Variants in PDGFA observed in about 807,000 individuals in gnomAD.
The protein encoded by PDGFA is platelet derived growth factor subunit A, also known as platelet-derived growth factor subunit A.
In PDGFA, 9 loss-of-function variants were observed where a neutral mutation model predicts 25.6. The ratio of observed to expected loss-of-function variants is 0.35; its 90% CI spans 0.21 to 0.61. The LOEUF is 0.61. PDGFA is among the 20% of genes least tolerant of loss of function. PDGFA has a pLI of 0.75. For missense variants in PDGFA, 242 were observed against 272.8 expected, an observed-to-expected ratio of 0.89 and a Z score of 0.79; for synonymous variants, 133 against 111.8, an observed-to-expected ratio of 1.19 and a Z score of -1.20.
chr7:510,255 A>ACCC (rs554756855), intron 4 of PDGFA, among the ~76,000 whole-genome samples: 215 of 151,530 alleles, frequency 1.4e-3, no homozygotes, highest in Non-Finnish European at 2.6e-3. Flanking sequence ...CCTTTCCCGC[A>ACCC]CCCCCAGGTG....
intron 3 of PDGFA, among the ~76,000 whole-genome samples, 175 bp downstream of exon 3, chr7:512,176 C>T (rs1175687905): frequency 6.6e-6 from 1 of 152,166 alleles, no homozygotes; most frequent in East Asian, 1.9e-4. Context: ...AGGCCAGAGC[C>T]AGAGGCACCA....
chr7:504,370 C>G (rs1355847337), intron 4 of PDGFA, among the ~76,000 whole-genome samples: 1 of 152,118 alleles, frequency 6.6e-6, no homozygotes, highest in Non-Finnish European at 1.5e-5. Context: ...CTCAGCCACC[C>G]CCAGCCCTGC....
At chr7:499,829 C>T (rs1782251518) in intron 5 of PDGFA, among the ~76,000 whole-genome samples, 1 of 150,854 alleles carries the variant, frequency 6.6e-6, no homozygotes. Flanking sequence ...ATGCCACTAG[C>T]CAGACAGAAG....
chr7:516,040 GCC>G (rs1299066097), intron 2 of PDGFA, among the ~76,000 whole-genome samples: 3 of 33,764 alleles, frequency 8.9e-5, no homozygotes, highest in African/African-American at 3.6e-4. Flanking sequence ...CCAGGAAGCA[GCC>G]CCCCCCCCCC....
intron 5 of PDGFA, among the ~76,000 whole-genome samples, chr7:499,591 G>A (rs933487561): frequency 6.6e-6 from 1 of 152,148 alleles, no homozygotes; most frequent in African/African-American, 2.4e-5. Flanking sequence ...CCTCCATCTG[G>A]GAAGCGACAT....
chr7:508,888 A>T (rs1422995970), intron 4 of PDGFA, among the ~76,000 whole-genome samples: 3 of 152,208 alleles, frequency 2.0e-5, no homozygotes, highest in Non-Finnish European at 4.4e-5. Context: ...TGATGCCCCA[A>T]CAGGCAGGAA....
Position 500,434 on chromosome 7 carries a change from G to C in PDGFA, c.580+682C>G. 1.9e-6 allele frequency: 3 copies of C among 1,614,110 alleles called. No homozygotes were observed. The South Asian group carries it at 3.3e-5, about 18-fold the overall frequency. On this transcript the variant is annotated intron_variant, in intron 5 of 5. Transcript: ENST00000402802. This position sits in a 1 kb window ranked among gnomAD's most constrained non-coding sequence, Gnocchi z 5.0. ...TGTGTCCGGCAGACAGTCCTACCTG[G>C]TTGGCTGCTTTAGGTGGGTTTTAAC...
At position 517,803 on chromosome 7, in the gene PDGFA, G is replaced by A. The variant is rs1224772962; in HGVS notation, c.64-313C>T. On this transcript the variant is annotated intron_variant, in intron 1 of 5. Coordinates refer to ENST00000402802, the Ensembl canonical transcript of PDGFA. This position sits in a 1 kb window ranked among gnomAD's most constrained non-coding sequence, Gnocchi z 7.4. ...TCCACCCGGGGTGTCAGTTACAGAA[G>A]GTCTAGGGGGCAGCGAGGGGGCCGA... Among the ~76,000 whole-genome samples the A allele has an allele frequency of 1.3e-5, 2 of 151,334 alleles. No homozygotes were observed. The highest frequency in any genetic ancestry group is 4.9e-5 in the African/African-American group (2 of 40,958).
chr7:505,026 G>A (rs1285807394), intron 4 of PDGFA, among the ~76,000 whole-genome samples: 1 of 152,238 alleles, frequency 6.6e-6, no homozygotes, highest in Non-Finnish European at 1.5e-5. Flanking sequence ...AAAACAAACA[G>A]CGATGATTGC....
In PDGFA at chr7:500,715, G is replaced by T; in HGVS notation, c.580+401C>A. On this transcript the variant is annotated intron_variant, in intron 5 of 5. Coordinates refer to ENST00000402802, the Ensembl canonical transcript of PDGFA. This position sits in a 1 kb window ranked among gnomAD's most constrained non-coding sequence, Gnocchi z 5.0. Reference sequence around the variant, plus strand: ...TCCTGGGTGGAGTCCGCGTGGCGGGGTGAAGGAGAGACCCCAGCCAGCCAG... The same window carrying T: ...TCCTGGGTGGAGTCCGCGTGGCGGGTTGAAGGAGAGACCCCAGCCAGCCAG... The T allele has an allele frequency of 3.5e-6, 5 of 1,440,206 alleles. No individual in the cohort carries two copies. Among genetic ancestry groups the T allele is most frequent in the Non-Finnish European group, 4.5e-6 (5 of 1,102,242 alleles). 89.2% of individuals were successfully genotyped at this position (1,440,206 alleles called of 1,614,324 possible).
rs567368990 is a variant in PDGFA at position 511,838 on chromosome 7, G to A, written c.265+513C>T. On this transcript the variant is annotated intron_variant, in intron 3 of 5. Transcript: ENST00000402802. ...GGGACAAAATATCCCCCAAATGGAC[G>A]CGGGGGTGGAGCCCTGGAGCCAGGT... Among the ~76,000 whole-genome samples the A allele has an allele frequency of 7.9e-5, 12 of 152,326 alleles. No homozygotes were observed. In the South Asian group the frequency reaches 1.2e-3, roughly 16 times the overall value.
intron 4 of PDGFA, among the ~76,000 whole-genome samples, chr7:502,456 C>T (rs957874094): frequency 6.6e-6 from 1 of 152,132 alleles, no homozygotes; most frequent in African/African-American, 2.4e-5. Flanking sequence ...GAGGCCTGAC[C>T]TCGGAAACCA....
chr7:497,946 A>C (rs1782135906), exon 6 of PDGFA: 1 of 116,396 alleles, frequency 8.6e-6, no homozygotes, highest in Admixed American at 9.2e-5. Context: ...GTGTAAAAAA[A>C]AAAAAAAAAA....
intron 4 of PDGFA, among the ~76,000 whole-genome samples, chr7:509,734 G>A (rs138811667): frequency 8.5e-5 from 13 of 152,234 alleles, no homozygotes; most frequent in South Asian, 6.2e-4. Context: ...CGGCTCCAGC[G>A]GAGACACAGT....
At chr7:510,846 T>C (rs1782796581) in exon 4 of PDGFA, 1 of 1,608,106 alleles carries the variant, frequency 6.2e-7, no homozygotes, top group East Asian at 2.2e-5. Flanking sequence ...GGGCTGGCAC[T>C]TGACACTGCT....
chr7:497,969 A>AAAAAAAAC (rs1583133471), exon 6 of PDGFA: 1 of 133,840 alleles, frequency 7.5e-6, no homozygotes, highest in Non-Finnish European at 1.6e-5. Flanking sequence ...CAAAAAAAAA[A>AAAAAAAAC]AAAACAAAAC....
At position 500,695 on chromosome 7, in the gene PDGFA, G is replaced by C; in HGVS notation, c.580+421C>G. On this transcript the variant is annotated intron_variant, in intron 5 of 5. Transcript: ENST00000402802. This position sits in a 1 kb window ranked among gnomAD's most constrained non-coding sequence, Gnocchi z 5.0. Reference sequence around the variant, plus strand: ...GGGCACAGAAGCCATTCTGCTCCTGGGTGGAGTCCGCGTGGCGGGGTGAAG... The same window carrying C: ...GGGCACAGAAGCCATTCTGCTCCTGCGTGGAGTCCGCGTGGCGGGGTGAAG... The C allele has an allele frequency of 4.2e-6, 6 of 1,445,260 alleles. No homozygotes were observed. Among genetic ancestry groups the C allele is most frequent in the South Asian group, 2.9e-5 (2 of 68,510 alleles). 89.5% of individuals were successfully genotyped at this position (1,445,260 alleles called of 1,614,324 possible).
chr7:512,033 C>T (rs1782875537), intron 3 of PDGFA, among the ~76,000 whole-genome samples: 1 of 152,202 alleles, frequency 6.6e-6, no homozygotes, highest in African/African-American at 2.4e-5. Flanking sequence ...GGACAGGCCC[C>T]GACAAGACAG....
At chr7:498,313 T>G in exon 6 of PDGFA, 1 of 519,964 alleles carries the variant, frequency 1.9e-6, no homozygotes, top group Non-Finnish European at 3.4e-6. Flanking sequence ...TTTTGTTTTC[T>G]CTCTCTCTTT....
Sources: allele counts gnomAD v4.1 joint callset (sites outside exome capture counted in the v4.1 genomes callset), GRCh38; gene constraint gnomAD v4.1.1; non-coding constraint Gnocchi (gnomAD v3.1); transcripts MANE v1.5; gene names NCBI Gene and HGNC (gene_info 2026-07-23, HGNC 2026-07-21).